CCDC171: variants seen among roughly 807,000 people sequenced by gnomAD.
CCDC171 encodes the protein coiled-coil domain containing 171, also known as coiled-coil domain-containing protein 171.
In CCDC171, 177 loss-of-function variants were observed where a neutral mutation model predicts 168.2. That is an observed-to-expected ratio of 1.05 (90% confidence interval 0.93 to 1.19). The LOEUF (loss-of-function observed/expected upper bound fraction) is 1.19, where lower values mean the gene tolerates loss of function less well. Ranked by LOEUF, CCDC171 falls within the 50% of genes most tolerant of loss-of-function variation. CCDC171 has a pLI of 0.00. For synonymous variants in CCDC171, 687 were observed against 540.8 expected, an observed-to-expected ratio of 1.27 and a Z score of -3.75; for missense variants, 1,991 against 1,539.0, an observed-to-expected ratio of 1.29 and a Z score of -4.91.
the CCDC171 span, among the ~76,000 whole-genome samples, chr9:16,086,021 A>G: frequency 8.2e-6 from 1 of 122,272 alleles, no homozygotes; most frequent in African/African-American, 3.0e-5. Context: ...GTTGTTTGGA[A>G]TAGTTTCACC....
At chr9:15,956,682 C>T (rs1806448599) in intron 25 of CCDC171, among the ~76,000 whole-genome samples, 1 of 152,076 alleles carries the variant, frequency 6.6e-6, no homozygotes, top group Non-Finnish European at 1.5e-5. Flanking sequence ...AATTTTATTT[C>T]TTAGCCAAAC....
chr9:15,863,372 T>A (rs879296643), intron 23 of CCDC171, among the ~76,000 whole-genome samples: 1 of 152,088 alleles, frequency 6.6e-6, no homozygotes, highest in African/African-American at 2.4e-5. Flanking sequence ...GGAATTGATA[T>A]GTGCCATTGC....
At position 15,744,558 on chromosome 9, in the gene CCDC171, G is replaced by A. The variant is rs371506012; in HGVS notation, c.2335G>A (p.Val779Ile). 2 of 1,614,174 alleles carry A rather than the reference G, an allele frequency of 1.2e-6. No homozygotes were observed. The highest frequency in any genetic ancestry group is 3.3e-5 in the Admixed American group (2 of 60,024). The change falls in exon 17 of 26, where the codon GTA becomes ATA. Residue 779 changes from valine (V) to isoleucine (I), a missense_variant. Coordinates refer to ENST00000380701, the MANE Select transcript of CCDC171 (RefSeq NM_173550.4). Reference protein sequence around the residue: ...IRTLAQALSTVEEKKQEEAKM... With the variant: ...IRTLAQALSTIEEKKQEEAKM... Reference sequence around the variant, plus strand: ...AACTCTAGCCCAGGCTTTGTCAACTGTAGAGGAAAAGAAGCAAGAGGAAGC... The same window carrying A: ...AACTCTAGCCCAGGCTTTGTCAACTATAGAGGAAAAGAAGCAAGAGGAAGC...
the CCDC171 span, among the ~76,000 whole-genome samples, chr9:16,079,746 C>A: frequency 2.6e-5 from 4 of 152,180 alleles, no homozygotes; most frequent in Non-Finnish European, 5.9e-5. Context: ...GATTTAGCAA[C>A]CTGATACGCA....
At chr9:15,578,681 T>C (rs1014170359) in intron 3 of CCDC171, among the ~76,000 whole-genome samples, 168 bp from the exon 4 acceptor site, 3 of 151,888 alleles carry the variant, frequency 2.0e-5, no homozygotes, top group Non-Finnish European at 2.9e-5. Flanking sequence ...ACATAATGGG[T>C]GTCATTTTGT....
At chr9:15,931,462 T>TC (rs1262451872) in intron 25 of CCDC171, among the ~76,000 whole-genome samples, 1 of 140,840 alleles carries the variant, frequency 7.1e-6, no homozygotes, top group Non-Finnish European at 1.5e-5. Flanking sequence ...CTTTCTTTTT[T>TC]TTTTTTTTTT....
the CCDC171 span, among the ~76,000 whole-genome samples, chr9:16,099,630 A>G: frequency 1.3e-5 from 2 of 152,328 alleles, no homozygotes; most frequent in East Asian, 3.9e-4. Context: ...GAGGTGCATG[A>G]AGGGGGCATC....
rs368211990 is a variant in CCDC171, at chr9:15,784,599, G to C, written c.3172G>C (p.Glu1058Gln). ...REEQAQMLLN[E>Q]QAQQLQELNY... is the part of the protein sequence containing the mutation. ...AGAGCAGGCACAAATGCTATTGAATGAACAGGCACAACAACTACAGGAATT... is the reference window on the plus strand; with the variant it reads ...AGAGCAGGCACAAATGCTATTGAATCAACAGGCACAACAACTACAGGAATT... Residue 1058 changes from glutamate to glutamine, a missense_variant, in exon 21 of 26, where the codon GAA becomes CAA. By Grantham distance (29) the Glu-to-Gln change is conservative. Coordinates refer to ENST00000380701, the MANE Select transcript of CCDC171 (RefSeq NM_173550.4). 43 of 1,613,102 alleles carry C rather than the reference G, an allele frequency of 2.7e-5. No homozygotes were observed. Among genetic ancestry groups the C allele is most frequent in the Non-Finnish European group, 3.6e-5 (43 of 1,179,426 alleles).
At chr9:15,932,176 A>T (rs1403526648) in intron 25 of CCDC171, among the ~76,000 whole-genome samples, 6 of 151,876 alleles carry the variant, frequency 4.0e-5, no homozygotes, top group African/African-American at 1.4e-4. Context: ...TAGGGACTGC[A>T]TTACATCTAT....
At chr9:16,038,509 T>TA (rs1833512978), upstream of CCDC171, among the ~76,000 whole-genome samples, 1 of 152,108 alleles carries the variant, frequency 6.6e-6, no homozygotes, top group South Asian at 2.1e-4. Context: ...GTATGTGTGT[T>TA]AAAAATGTAA....
chr9:15,864,111 T>A (rs1192702509), intron 23 of CCDC171, among the ~76,000 whole-genome samples: 3 of 152,168 alleles, frequency 2.0e-5, no homozygotes, highest in African/African-American at 7.2e-5. Flanking sequence ...CTGTAAACTT[T>A]CAGTTAGCTT....
intron 18 of CCDC171, among the ~76,000 whole-genome samples, chr9:15,762,101 G>C (rs2056475818): frequency 6.7e-6 from 1 of 148,648 alleles, no homozygotes; most frequent in Non-Finnish European, 1.5e-5. Context: ...GATGAGGCTT[G>C]AACACATTTT....
chr9:15,562,299 C>G (rs2039368360), intron 1 of CCDC171, among the ~76,000 whole-genome samples: 1 of 152,038 alleles, frequency 6.6e-6, no homozygotes. Context: ...TGGCCTGACA[C>G]TTTGCTTCTT....
chr9:16,065,809 GGTGTGT>G (rs113107786), downstream of CCDC171, among the ~76,000 whole-genome samples: 144 of 144,304 alleles, frequency 1.0e-3, no homozygotes, highest in Admixed American at 1.3e-3. Flanking sequence ...TTGTGTGCAT[GGTGTGT>G]GTGTGTGTGT....
At chr9:15,662,264 G>A in intron 8 of CCDC171, among the ~76,000 whole-genome samples, 1 of 152,252 alleles carries the variant, frequency 6.6e-6, no homozygotes, top group East Asian at 1.9e-4. Flanking sequence ...GTGACAGAGT[G>A]AGACTCTGTC....
the CCDC171 span, among the ~76,000 whole-genome samples, chr9:16,090,048 G>C: frequency 6.6e-6 from 1 of 152,158 alleles, no homozygotes; most frequent in Non-Finnish European, 1.5e-5. Flanking sequence ...AATACCGTTT[G>C]ACCCAGCAAT....
intron 7 of CCDC171, among the ~76,000 whole-genome samples, chr9:15,648,887 GA>G (rs2047269413): frequency 1.3e-5 from 2 of 152,092 alleles, no homozygotes; most frequent in South Asian, 4.1e-4. Flanking sequence ...CACAGAATTG[GA>G]AAAAACTACT....
chr9:15,591,386 G>A lies in CCDC171; in HGVS notation c.373G>A (p.Ala125Thr), dbSNP rs765078022. ...KLCAQNSELQ[A>T]KTNETEKAFQ... Reference sequence around the variant, plus strand: ...AATAGCACAGAATTCAGAACTTCAAGCAAAGACAAATGAGACTGAGAAAGC... The same window carrying A: ...AATAGCACAGAATTCAGAACTTCAAACAAAGACAAATGAGACTGAGAAAGC... The change falls in exon 5 of 26, where the codon GCA (alanine) becomes ACA (threonine). Residue 125 changes from alanine (A) to threonine (T), a missense_variant. Transcript: ENST00000380701. 3.7e-6 allele frequency: 6 copies of A among 1,601,680 alleles called. No homozygotes were observed. The highest frequency in any genetic ancestry group is 5.1e-6 in the Non-Finnish European group (6 of 1,175,344).
At chr9:15,944,836 T>TTTTCTTTCTTTCTTTCTTTCTTTC (rs1554691551) in intron 25 of CCDC171, among the ~76,000 whole-genome samples, 55 of 129,930 alleles carry the variant, frequency 4.2e-4, no homozygotes, top group Non-Finnish European at 6.4e-4. Flanking sequence ...TTTCTTTCTT[T>TTTTCTTTCTTTCTTTCTTTCTTTC]TTTCTTTCTT....
Sources: gnomAD v4.1 joint callset for allele counts (sites outside exome capture counted in the v4.1 genomes callset) on GRCh38, gnomAD v4.1.1 for gene constraint, MANE v1.5 for transcripts, NCBI Gene and HGNC (gene_info 2026-07-23, HGNC 2026-07-21) for gene names.